DDX31: variants seen among roughly 807,000 people sequenced by gnomAD.
The protein encoded by DDX31 is DEAD-box helicase 31.
Under a neutral mutation model 91.3 loss-of-function variants are expected in DDX31, and 70 were observed. The ratio of observed to expected loss-of-function variants is 0.77; its 90% CI spans 0.63 to 0.94. The LOEUF (loss-of-function observed/expected upper bound fraction) is 0.94. Ranked by LOEUF, DDX31 falls within the 40% of genes least tolerant of loss-of-function variation. DDX31 has a pLI of 0.00. For synonymous variants in DDX31, 362 were observed against 350.6 expected, an observed-to-expected ratio of 1.03 and a Z score of -0.36; for missense variants, 902 against 925.0, an observed-to-expected ratio of 0.98 and a Z score of 0.32.
intron 1 of DDX31, chr9:132,663,172 G>A (rs1164130020): frequency 7.0e-6 from 9 of 1,288,590 alleles, no homozygotes; most frequent in Non-Finnish European, 9.1e-6. Context: ...AGAGGGGCGA[G>A]GGGGAATGCG....
chr9:132,669,455 G>T lies in DDX31; in HGVS notation c.75+405C>A. ...TGTAGGGCATGACTCTTCCCAGACAGGAATGTGGGCAAGATAAAAAAAAAA... is the reference window on the plus strand; with the variant it reads ...TGTAGGGCATGACTCTTCCCAGACATGAATGTGGGCAAGATAAAAAAAAAA... On this transcript the variant is annotated intron_variant, in intron 1 of 19. Coordinates refer to ENST00000372159, the MANE Select transcript of DDX31 (RefSeq NM_022779.9). The T allele has an allele frequency of 3.4e-6, 2 of 587,236 alleles. 1 individual carries two copies. Among genetic ancestry groups the T allele is most frequent in the South Asian group, 3.7e-5 (2 of 53,566 alleles). 36.4% of individuals were successfully genotyped at this position (587,236 alleles called of 1,614,324 possible).
In DDX31 at chr9:132,662,687, C is replaced by T; in HGVS notation, c.84G>A (p.Lys28=). The T allele has an allele frequency of 6.2e-7, 1 of 1,614,058 alleles. No individual in the cohort carries two copies. Among genetic ancestry groups the T allele is most frequent in the Non-Finnish European group, 8.5e-7 (1 of 1,180,022 alleles). ...RPPAQASRQA[K]ATKRKYQASS... ...ACGCTTGGTATTTTCTTTTCGTAGC[C>T]TTTGCTTGCTGCGTTGTTCCCAGAA... The change falls in exon 2 of 20, where the codon AAG becomes AAA. Residue 28 remains lysine, a synonymous_variant. Coordinates refer to ENST00000372159, the MANE Select transcript of DDX31 (RefSeq NM_022779.9).
rs973557123 is a variant in DDX31 at position 132,593,629 on chromosome 9, G to T, written c.*1237C>A. 1.3e-5 allele frequency: 2 copies of T among 152,180 alleles called. No homozygotes were observed. Among genetic ancestry groups the T allele is most frequent in the African/African-American group, 4.8e-5 (2 of 41,438 alleles). 9.4% of individuals were successfully genotyped at this position (152,180 alleles called of 1,614,324 possible). A position where few individuals can be genotyped will look rare whatever the true frequency, so the allele number is the denominator to read the frequency against. ...TGCCCTCACACTGGAGTCTCCGCCA[G>T]TGTGGGTGCCCACTGACATTCACCT... is the stretch of plus-strand genomic sequence containing the variant. On this transcript the variant is annotated 3_prime_UTR_variant, in exon 20 of 20. Coordinates refer to ENST00000372159, the MANE Select transcript of DDX31 (RefSeq NM_022779.9).
intron 14 of DDX31, among the ~76,000 whole-genome samples, chr9:132,640,119 T>C (rs913502121): frequency 6.6e-6 from 1 of 152,210 alleles, no homozygotes; most frequent in East Asian, 1.9e-4. Flanking sequence ...CTTGTCTTCA[T>C]GATGCTTACG....
chr9:132,659,846 T>A, intron 4 of DDX31, 66 bp from the exon 5 acceptor site: 1 of 1,511,816 alleles, frequency 6.6e-7, no homozygotes, highest in Non-Finnish European at 9.1e-7. Flanking sequence ...AGACGCAGGA[T>A]ACATAAAAGG....
At chr9:132,630,061 CTT>C (rs1222801937) in intron 16 of DDX31, among the ~76,000 whole-genome samples, 2 of 152,314 alleles carry the variant, frequency 1.3e-5, no homozygotes, top group East Asian at 3.9e-4. Flanking sequence ...CGTCCTATGA[CTT>C]AGTCTGGCAA....
chr9:132,601,326 T>A (rs1830709735), intron 19 of DDX31, among the ~76,000 whole-genome samples: 1 of 152,218 alleles, frequency 6.6e-6, no homozygotes, highest in East Asian at 1.9e-4. Context: ...TAGGGTGGCA[T>A]AACTGTCACA....
chr9:132,652,649 C>T (rs1358261605), intron 6 of DDX31, among the ~76,000 whole-genome samples, 157 bp from the exon 7 acceptor site: 5 of 152,082 alleles, frequency 3.3e-5, no homozygotes, highest in Non-Finnish European at 2.9e-5. Flanking sequence ...CTGGCTGTGC[C>T]CCCACCCAAA....
At chr9:132,650,520 A>G (rs1205607355) in intron 8 of DDX31, among the ~76,000 whole-genome samples, 2 of 152,242 alleles carry the variant, frequency 1.3e-5, no homozygotes, top group Admixed American at 6.5e-5. Flanking sequence ...TACCACAGTG[A>G]GAGAGAAATG....
intron 5 of DDX31, 151 bp from the exon 6 acceptor site, chr9:132,658,886 G>C: frequency 3.1e-6 from 2 of 642,092 alleles, no homozygotes; most frequent in Non-Finnish European, 5.0e-6. Context: ...CAAGAGAAGT[G>C]AAAAGGGACT....
chr9:132,658,591 C>T (rs1438205152), intron 6 of DDX31, 80 bp downstream of exon 6: 1 of 1,294,300 alleles, frequency 7.7e-7, no homozygotes, highest in African/African-American at 1.5e-5. Context: ...TTCTTTTAGT[C>T]CTAATATTTC....
chr9:132,605,532 G>A (rs1170576943), intron 19 of DDX31, among the ~76,000 whole-genome samples: 1 of 152,068 alleles, frequency 6.6e-6, no homozygotes, highest in Non-Finnish European at 1.5e-5. Context: ...CCTGCACGAT[G>A]AGCAAACACC....
At chr9:132,597,558 T>C (rs1307342559) in intron 19 of DDX31, among the ~76,000 whole-genome samples, 2 of 152,248 alleles carry the variant, frequency 1.3e-5, no homozygotes, top group Non-Finnish European at 1.5e-5. Context: ...ACTTCAACGA[T>C]GGCTCCTGCT....
chr9:132,647,627 G>A (rs911990272), intron 11 of DDX31, among the ~76,000 whole-genome samples: 5 of 152,164 alleles, frequency 3.3e-5, no homozygotes, highest in African/African-American at 9.7e-5. Flanking sequence ...ACAGAAAAAC[G>A]TGAAAGCTGC....
At chr9:132,601,075 T>G (rs1049086669) in intron 19 of DDX31, among the ~76,000 whole-genome samples, 6 of 152,164 alleles carry the variant, frequency 3.9e-5, no homozygotes, top group Non-Finnish European at 7.3e-5. Context: ...AAATACTGAC[T>G]GAGAAGGACC....
chr9:132,618,887 C>T (rs1831813903), intron 17 of DDX31, among the ~76,000 whole-genome samples: 1 of 152,216 alleles, frequency 6.6e-6, no homozygotes, highest in Non-Finnish European at 1.5e-5. Flanking sequence ...AGTGACCTGC[C>T]TAACATTCTG....
chr9:132,667,308 G>A (rs1261119907), intron 1 of DDX31, among the ~76,000 whole-genome samples: 1 of 151,748 alleles, frequency 6.6e-6, no homozygotes, highest in Non-Finnish European at 1.5e-5. Flanking sequence ...CGACATCAAT[G>A]AAAATGTAGA....
At chr9:132,650,200 A>G (rs778816297) in intron 9 of DDX31, 34 bp downstream of exon 9, 4 of 1,605,696 alleles carry the variant, frequency 2.5e-6, no homozygotes, top group African/African-American at 1.3e-5. Flanking sequence ...GACACATTCA[A>G]GAAGGAAACA....
rs1335092632 is a variant in DDX31, at chr9:132,612,066, G to T, written c.1994+21C>A. 4.4e-6 allele frequency: 7 copies of T among 1,608,290 alleles called. No homozygotes were observed. The Admixed American group carries it at 6.7e-5, about 15-fold the overall frequency. Reference sequence around the variant, plus strand: ...ACGGAGCTCTCTAGCCCCGTCACGGGACGAATTCAGCTCATCTTACCTTTT... The same window carrying T: ...ACGGAGCTCTCTAGCCCCGTCACGGTACGAATTCAGCTCATCTTACCTTTT... On this transcript the variant is annotated intron_variant, in intron 19 of 19. Coordinates refer to ENST00000372159, the MANE Select transcript of DDX31 (RefSeq NM_022779.9).
Sources: gnomAD v4.1 joint callset for allele counts (sites outside exome capture counted in the v4.1 genomes callset) on GRCh38, gnomAD v4.1.1 for gene constraint, MANE v1.5 for transcripts, NCBI Gene and HGNC (gene_info 2026-07-23, HGNC 2026-07-21) for gene names.